Variants in CGGBP1 observed in about 807,000 individuals in gnomAD.
CGGBP1 encodes CGG triplet repeat binding protein 1.
CGGBP1 carries 4 observed loss-of-function variants against 11.4 expected under a neutral mutation model. The ratio of observed to expected loss-of-function variants is 0.35; its 90% CI spans 0.17 to 0.80. CGGBP1 has a LOEUF of 0.80. CGGBP1 is among the 30% of genes least tolerant of loss of function. The pLI is 0.52. For synonymous variants in CGGBP1, 76 were observed against 74.1 expected (o/e 1.03, Z -0.13); for missense variants, 135 against 202.1 (o/e 0.67, Z 2.01).
Position 88,055,359 on chromosome 3 carries a change from A to G in CGGBP1, c.*114T>C. ...CCTGCAACTATATACACATTGCAAA[A>G]CTATTCTGCGTCACATGATTTTAAA... is the stretch of plus-strand genomic sequence containing the variant. On this transcript the variant is annotated 3_prime_UTR_variant, in exon 4 of 4. Transcript: ENST00000482016. This position sits in a 1 kb window ranked among gnomAD's most constrained non-coding sequence, Gnocchi z 4.2. 2 of 1,100,820 alleles carry G rather than the reference A, an allele frequency of 1.8e-6. No homozygotes were observed. The highest frequency in any genetic ancestry group is 2.0e-5 in the South Asian group (1 of 49,380). 68.2% of individuals were successfully genotyped at this position (1,100,820 alleles called of 1,614,324 possible).
At chr3:88,148,548 GTAAA>G (rs2107923921) in intron 1 of CGGBP1, among the ~76,000 whole-genome samples, 1 of 152,318 alleles carries the variant, frequency 6.6e-6, no homozygotes, top group African/African-American at 2.4e-5. Context: ...CCTGTGTTGA[GTAAA>G]TGGTACCCCA....
At chr3:88,140,033 A>T in intron 2 of CGGBP1, 1 of 1,613,780 alleles carries the variant, frequency 6.2e-7, no homozygotes, top group Non-Finnish European at 8.5e-7. Context: ...GCAAAGGAAA[A>T]TGCAAATTTT....
chr3:88,077,954 A>G (rs527839546), intron 2 of CGGBP1, among the ~76,000 whole-genome samples: 4 of 152,322 alleles, frequency 2.6e-5, no homozygotes, highest in East Asian at 1.9e-4. Flanking sequence ...TTAGGTGACT[A>G]TTATGAATGT....
At chr3:88,093,204 G>T (rs542398554) in intron 2 of CGGBP1, among the ~76,000 whole-genome samples, 1 of 152,058 alleles carries the variant, frequency 6.6e-6, no homozygotes, top group Non-Finnish European at 1.5e-5. Flanking sequence ...TTTTCCTTTT[G>T]CCTTGTTTTA....
intron 1 of CGGBP1, among the ~76,000 whole-genome samples, chr3:88,058,454 G>A (rs1353112943): frequency 6.6e-6 from 1 of 152,182 alleles, no homozygotes; most frequent in African/African-American, 2.4e-5. Flanking sequence ...GGGGGTTCGG[G>A]CGGGGGCGGG....
At chr3:88,123,236 C>A (rs1705888760) in intron 2 of CGGBP1, among the ~76,000 whole-genome samples, 1 of 151,986 alleles carries the variant, frequency 6.6e-6, no homozygotes, top group African/African-American at 2.4e-5. Context: ...TTTAAATAGA[C>A]CAAAATGAAA....
intron 2 of CGGBP1, among the ~76,000 whole-genome samples, chr3:88,096,893 G>GA (rs1200749817): frequency 6.6e-6 from 1 of 151,844 alleles, no homozygotes; most frequent in African/African-American, 2.4e-5. Context: ...GCATATATAA[G>GA]AAAAAAACCT....
At chr3:88,060,190 C>T (rs1706784747), upstream of CGGBP1, among the ~76,000 whole-genome samples, 1 of 152,050 alleles carries the variant, frequency 6.6e-6, no homozygotes, top group Non-Finnish European at 1.5e-5. Context: ...AAGTAATTTT[C>T]CTTAAACTCT....
chr3:88,074,955 G>A (rs963762066), intron 2 of CGGBP1, among the ~76,000 whole-genome samples: 2 of 152,068 alleles, frequency 1.3e-5, no homozygotes. Flanking sequence ...GTGTTTAATT[G>A]TGCTACTGTC....
chr3:88,096,147 T>C (rs1240405831), intron 2 of CGGBP1, among the ~76,000 whole-genome samples: 1 of 151,884 alleles, frequency 6.6e-6, no homozygotes, highest in Non-Finnish European at 1.5e-5. Context: ...TAGGTAAATG[T>C]CAACCATCCT....
intron 2 of CGGBP1, among the ~76,000 whole-genome samples, chr3:88,127,343 C>G (rs1176002963): frequency 6.6e-6 from 1 of 151,622 alleles, no homozygotes; most frequent in Non-Finnish European, 1.5e-5. Context: ...GGAGGTGGGA[C>G]AAGACTAGGA....
At chr3:88,147,683 T>C (rs748185386) in intron 1 of CGGBP1, among the ~76,000 whole-genome samples, 1 of 152,256 alleles carries the variant, frequency 6.6e-6, no homozygotes, top group Non-Finnish European at 1.5e-5. Context: ...ATGTGTCTGA[T>C]AGTTACTGTA....
intron 2 of CGGBP1, chr3:88,140,960 G>C (rs977208524): frequency 6.8e-6 from 11 of 1,613,316 alleles, no homozygotes; most frequent in Non-Finnish European, 9.3e-6. Context: ...GCAAATGCCT[G>C]ACCACCTACT....
chr3:88,143,040 C>T (rs572651785), intron 1 of CGGBP1: 1 of 152,216 alleles, frequency 6.6e-6, no homozygotes, highest in Non-Finnish European at 1.5e-5. Flanking sequence ...CAAAACAGAT[C>T]TCCTAATGTC....
intron 1 of CGGBP1, chr3:88,142,649 A>T (rs1454270908): frequency 1.3e-5 from 2 of 152,374 alleles, no homozygotes; most frequent in African/African-American, 4.8e-5. Context: ...AAAATCAGCT[A>T]AGAATCAGGT....
At chr3:88,141,610 A>T (rs1485655691) in intron 1 of CGGBP1, 1 of 1,437,316 alleles carries the variant, frequency 7.0e-7, no homozygotes, top group East Asian at 2.5e-5. Flanking sequence ...GAATGTCAAT[A>T]AAACTTGCAT....
intron 2 of CGGBP1, among the ~76,000 whole-genome samples, chr3:88,098,266 C>G (rs913195031): frequency 6.6e-6 from 1 of 152,102 alleles, no homozygotes; most frequent in Non-Finnish European, 1.5e-5. Context: ...ATACACCCTC[C>G]AAAGACTAAA....
intron 2 of CGGBP1, among the ~76,000 whole-genome samples, chr3:88,127,877 T>G (rs1361927171): frequency 1.3e-5 from 2 of 152,218 alleles, no homozygotes; most frequent in Non-Finnish European, 2.9e-5. Flanking sequence ...CAGAGTGAAG[T>G]TATCTTTGCA....
At chr3:88,062,886 C>T (rs970958508), upstream of CGGBP1, among the ~76,000 whole-genome samples, 3 of 152,130 alleles carry the variant, frequency 2.0e-5, no homozygotes, top group Non-Finnish European at 2.9e-5. Context: ...TCGTAAAATC[C>T]TCTGAGGATT....
Sources: allele counts gnomAD v4.1 joint callset (sites outside exome capture counted in the v4.1 genomes callset), GRCh38; gene constraint gnomAD v4.1.1; non-coding constraint Gnocchi (gnomAD v3.1); transcripts MANE v1.5; gene names NCBI Gene and HGNC (gene_info 2026-07-23, HGNC 2026-07-21).